Variants in ATP10B observed in about 807,000 individuals in gnomAD.
ATP10B encodes ATPase phospholipid transporting 10B (putative).
In ATP10B, 122 loss-of-function variants were observed where a neutral mutation model predicts 141.2. The observed-to-expected ratio is 0.86, with a 90% CI of 0.75 to 1.00. The LOEUF (loss-of-function observed/expected upper bound fraction) is 1.00. Ranked by LOEUF, ATP10B falls within the 50% of genes least tolerant of loss-of-function variation. The probability of loss-of-function intolerance (pLI) is 0.00; values close to 1 mark genes in which losing one functional copy is unlikely to be tolerated. For missense variants in ATP10B, 1,876 were observed against 1,825.3 expected, an observed-to-expected ratio of 1.03 and a Z score of -0.51; for synonymous variants, 685 against 692.0, an observed-to-expected ratio of 0.99 and a Z score of 0.16.
chr5:160,625,241 G>C (rs1415848393), intron 13 of ATP10B, among the ~76,000 whole-genome samples: 1 of 152,214 alleles, frequency 6.6e-6, no homozygotes, highest in African/African-American at 2.4e-5. Context: ...TATCAGGCAA[G>C]ATCCTGCATG....
At chr5:160,576,434 A>C (rs2127597925) in intron 24 of ATP10B, among the ~76,000 whole-genome samples, 1 of 152,370 alleles carries the variant, frequency 6.6e-6, no homozygotes, top group South Asian at 2.1e-4. Context: ...TTGAGTCTAC[A>C]GCCAAGAATC....
chr5:160,881,177 G>T, the ATP10B span, among the ~76,000 whole-genome samples: 1 of 152,118 alleles, frequency 6.6e-6, no homozygotes, highest in East Asian at 1.9e-4. Context: ...ATAAGCATAT[G>T]AAAAAATGTT....
intron 1 of ATP10B, among the ~76,000 whole-genome samples, chr5:160,790,959 G>A (rs1274788995): frequency 6.6e-6 from 1 of 152,130 alleles, no homozygotes. Flanking sequence ...GAGATCTAAA[G>A]TGAGAGAGAC....
At chr5:160,716,839 G>A (rs1252004769) in intron 3 of ATP10B, 70 bp downstream of exon 3, 35 of 924,490 alleles carry the variant, frequency 3.8e-5, no homozygotes, top group Non-Finnish European at 4.5e-5. Context: ...GACTATTGGA[G>A]CTACATCCAC....
chr5:160,602,796 G>C (rs548043420), intron 20 of ATP10B, 94 bp from the exon 21 acceptor site: 3 of 1,551,068 alleles, frequency 1.9e-6, no homozygotes, highest in Non-Finnish European at 2.6e-6. Context: ...CTAGGCCTAC[G>C]GCCAGCAGAG....
intron 1 of ATP10B, among the ~76,000 whole-genome samples, chr5:160,806,007 C>G (rs1379976742): frequency 6.6e-6 from 1 of 152,094 alleles, no homozygotes; most frequent in South Asian, 2.1e-4. Flanking sequence ...GGCAGGAGAC[C>G]CATGGCCTAG....
chr5:160,803,237 C>G (rs779480808), intron 1 of ATP10B, among the ~76,000 whole-genome samples: 1 of 152,116 alleles, frequency 6.6e-6, no homozygotes, highest in Non-Finnish European at 1.5e-5. Context: ...ATTAAGAAAC[C>G]ACACTATCAC....
At chr5:160,894,461 A>T in the ATP10B span, among the ~76,000 whole-genome samples, 1 of 151,970 alleles carries the variant, frequency 6.6e-6, no homozygotes, top group African/African-American at 2.4e-5. Flanking sequence ...TCAGAGACTG[A>T]ATATCAACTT....
intron 2 of ATP10B, among the ~76,000 whole-genome samples, chr5:160,729,176 T>A (rs1156859030): frequency 6.7e-6 from 1 of 150,342 alleles, no homozygotes; most frequent in Non-Finnish European, 1.5e-5. Flanking sequence ...TCTGACAGCA[T>A]GGAATGATTA....
intron 2 of ATP10B, among the ~76,000 whole-genome samples, chr5:160,750,742 C>T (rs12514206): frequency 0.23 from 34,943 of 151,936 alleles, 4,431 homozygotes; most frequent in Non-Finnish European, 0.28. Context: ...TAATAAGTGA[C>T]GTCGTAATTC....
intron 1 of ATP10B, among the ~76,000 whole-genome samples, chr5:160,788,965 A>T (rs935975239): frequency 1.3e-5 from 2 of 152,190 alleles, no homozygotes; most frequent in Non-Finnish European, 2.9e-5. Context: ...AGATGGCTTA[A>T]TCGACATTCA....
intron 21 of ATP10B, among the ~76,000 whole-genome samples, chr5:160,601,944 C>G (rs13358366): frequency 0.026 from 3,960 of 152,250 alleles, 70 homozygotes; most frequent in Middle Eastern, 0.075. Flanking sequence ...TATTCTGTGA[C>G]GTACTTTTCA....
intron 21 of ATP10B, among the ~76,000 whole-genome samples, chr5:160,599,260 G>T (rs1429513875): frequency 1.3e-5 from 2 of 152,146 alleles, no homozygotes; most frequent in Non-Finnish European, 2.9e-5. Flanking sequence ...CTTAGAAACT[G>T]CAACTTAAAG....
At position 160,800,028 on chromosome 5, in the gene ATP10B, G is replaced by A. The variant is rs551160148; in HGVS notation, c.-575-14225C>T. Among the ~76,000 whole-genome samples, 694 of 152,292 alleles carry A rather than the reference G, an allele frequency of 4.6e-3. 2 individuals are homozygous for A. The highest frequency in any genetic ancestry group is 6.4e-3 in the Non-Finnish European group (433 of 68,016). On this transcript the variant is annotated intron_variant, in intron 1 of 25. Coordinates refer to ENST00000327245, the MANE Select transcript of ATP10B (RefSeq NM_025153.3). ...TTAAGAAGGAAAATGGGCACCATTG[G>A]AGTTACAAGTCTGCAAGCTAAGGAA...
In ATP10B at chr5:160,615,394, C is replaced by T. The variant is rs1198215583; in HGVS notation, c.2653+444G>A. ...TTTTGTGCTTCCATCCCACCAGGCC[C>T]ATCTGCTAGCCCAGCTCTCACCAGT... On this transcript the variant is annotated intron_variant, in intron 17 of 25. Transcript: ENST00000327245. 8.6e-5 allele frequency among the ~76,000 whole-genome samples: 13 copies of T among 151,348 alleles called. No homozygotes were observed. The Admixed American group carries it at 8.6e-4, about 10-fold the overall frequency.
chr5:160,709,463 T>G (rs959010648), intron 3 of ATP10B, among the ~76,000 whole-genome samples: 1 of 152,116 alleles, frequency 6.6e-6, no homozygotes, highest in East Asian at 1.9e-4. Context: ...TAACTAGTAA[T>G]CAGGGACATG....
the ATP10B span, among the ~76,000 whole-genome samples, chr5:160,893,069 C>G: frequency 6.6e-6 from 1 of 152,156 alleles, no homozygotes. Context: ...GAGATTCCCT[C>G]GGGTGCCTAC....
Position 160,837,783 on chromosome 5 carries a change from G to T in ATP10B, c.-576+14158C>A, listed in dbSNP as rs79124387. Among the ~76,000 whole-genome samples the T allele has an allele frequency of 6.0e-3, 918 of 152,172 alleles. 13 individuals carry two copies. Among genetic ancestry groups the T allele is most frequent in the African/African-American group, 0.021 (874 of 41,526 alleles). On this transcript the variant is annotated intron_variant, in intron 1 of 25. Coordinates refer to ENST00000327245, the MANE Select transcript of ATP10B (RefSeq NM_025153.3). ...CTTTAGCCCTGGAGACCATTTTAAA[G>T]TTATTTCCCCATGATCCATCCTCCA...
chr5:160,816,988 T>C (rs1326641020), intron 1 of ATP10B, among the ~76,000 whole-genome samples: 1 of 152,166 alleles, frequency 6.6e-6, no homozygotes, highest in Non-Finnish European at 1.5e-5. Context: ...AATTAGGTAT[T>C]GAAGGGACGT....
Sources: gnomAD v4.1 joint callset for allele counts (sites outside exome capture counted in the v4.1 genomes callset) on GRCh38, gnomAD v4.1.1 for gene constraint, MANE v1.5 for transcripts, NCBI Gene and HGNC (gene_info 2026-07-23, HGNC 2026-07-21) for gene names.